The following D2HGDH variants were observed in gnomAD, a reference collection of about 807,000 sequenced individuals.
D2HGDH encodes the protein D-2-hydroxyglutarate dehydrogenase.
In D2HGDH, 31 loss-of-function variants were observed where a neutral mutation model predicts 46.9. The ratio of observed to expected loss-of-function variants is 0.66; its 90% CI spans 0.50 to 0.89. The LOEUF (loss-of-function observed/expected upper bound fraction) is 0.89. Among genes scored for constraint, D2HGDH ranks in the 40% least tolerant of loss-of-function variants. The probability of loss-of-function intolerance (pLI) is 0.00; values close to 1 mark genes in which losing one functional copy is unlikely to be tolerated. For synonymous variants in D2HGDH, 364 were observed against 332.6 expected, an observed-to-expected ratio of 1.09 and a Z score of -1.03; for missense variants, 698 against 720.8, an observed-to-expected ratio of 0.97 and a Z score of 0.36.
intron 9 of D2HGDH, among the ~76,000 whole-genome samples, chr2:241,756,711 A>G (rs1698224339): frequency 6.6e-6 from 1 of 152,124 alleles, no homozygotes. Context: ...TAGTAGAGAC[A>G]GGGTTTTGCC....
chr2:241,763,749 C>T (rs1443174704), intron 9 of D2HGDH, among the ~76,000 whole-genome samples: 3 of 152,164 alleles, frequency 2.0e-5, no homozygotes, highest in South Asian at 2.1e-4. Flanking sequence ...ACTTTGTGGA[C>T]GCCAGGCACG....
chr2:241,759,843 C>T (rs1412559227), intron 9 of D2HGDH, among the ~76,000 whole-genome samples: 5 of 152,270 alleles, frequency 3.3e-5, no homozygotes, highest in African/African-American at 4.8e-5. Flanking sequence ...CACTATCTTC[C>T]TCCCAAATAA....
chr2:241,761,646 T>C (rs1483839572), intron 9 of D2HGDH, among the ~76,000 whole-genome samples: 2 of 152,198 alleles, frequency 1.3e-5, no homozygotes, highest in Admixed American at 1.3e-4. Context: ...AGGGGTCCTG[T>C]ATCCAGTCCC....
chr2:241,768,274 G>C lies in D2HGDH; in HGVS notation c.*305G>C. On this transcript the variant is annotated 3_prime_UTR_variant, in exon 10 of 10. Transcript: ENST00000321264. ...GAAGCGGGGTGGGTCTCACTTGCGT[G>C]GTGGCCCCTGGCCCCATCTTGCCTG... 1 of 426,288 alleles carries C rather than the reference G, an allele frequency of 2.3e-6. No individual in the cohort carries two copies. The highest frequency in any genetic ancestry group is 4.3e-6 in the Non-Finnish European group (1 of 234,332). 26.4% of individuals were successfully genotyped at this position (426,288 alleles called of 1,614,324 possible). A position where few individuals can be genotyped will look rare whatever the true frequency, so the allele number is the denominator to read the frequency against.
chr2:241,744,396 A>T (rs1397929596), intron 5 of D2HGDH, among the ~76,000 whole-genome samples: 2 of 152,162 alleles, frequency 1.3e-5, no homozygotes, highest in Admixed American at 6.5e-5. Flanking sequence ...CAGTACCAGC[A>T]CACAGGACTC....
chr2:241,767,616 C>T (rs1040271896), intron 9 of D2HGDH, 94 bp from the exon 10 acceptor site: 48 of 1,436,736 alleles, frequency 3.3e-5, no homozygotes, highest in Middle Eastern at 2.2e-4. Context: ...CTCGGGGTTG[C>T]TGGGGAGGGG....
Position 241,743,094 on chromosome 2 carries a change from C to T in D2HGDH, c.490+520C>T, listed in dbSNP as rs1326401693. Among the ~76,000 whole-genome samples, 1 of 146,450 alleles carries T rather than the reference C, an allele frequency of 6.8e-6. No homozygotes were observed. Among genetic ancestry groups the T allele is most frequent in the Admixed American group, 6.7e-5 (1 of 14,866 alleles). ...GTGGCAGGCGTGAGGGGATCCTGAC[C>T]CAGGGTGCCAGGGCGTGGCAGGCAT... On this transcript the variant is annotated intron_variant, in intron 4 of 9. Coordinates refer to ENST00000321264, the MANE Select transcript of D2HGDH (RefSeq NM_152783.5). This position sits in a 1 kb window ranked among gnomAD's most constrained non-coding sequence, Gnocchi z 4.8.
Position 241,743,541 on chromosome 2 carries a change from G to A in D2HGDH, c.491-81G>A. ...GATGTTCCTTCTGGGTGGCTTGCCT[G>A]TGCAAGATGGGGGTTGGGACTCACC... On this transcript the variant is annotated intron_variant, in intron 4 of 9. Transcript: ENST00000321264. The surrounding 1 kb of genome is among the most constrained non-coding windows in gnomAD (Gnocchi z 4.8). The A allele has an allele frequency of 6.6e-7, 1 of 1,515,342 alleles. No homozygotes were observed. The highest frequency in any genetic ancestry group is 1.2e-5 in the South Asian group (1 of 84,556). 93.9% of individuals were successfully genotyped at this position (1,515,342 alleles called of 1,614,324 possible). A position where few individuals can be genotyped will look rare whatever the true frequency, so the allele number is the denominator to read the frequency against.
rs139702718 is a variant in D2HGDH at position 241,758,195 on chromosome 2, G to A, written c.1306+2181G>A. Among the ~76,000 whole-genome samples, 1,303 of 152,250 alleles carry A rather than the reference G, an allele frequency of 8.6e-3. 25 individuals carry two copies. The highest frequency in any genetic ancestry group is 0.03 in the African/African-American group (1,263 of 41,546). ...GGTGTGGGATTTTGACAGGGGTCTTGGTGGATGATTCTGTTCCACGCTGTT... is the reference window on the plus strand; with the variant it reads ...GGTGTGGGATTTTGACAGGGGTCTTAGTGGATGATTCTGTTCCACGCTGTT... On this transcript the variant is annotated intron_variant, in intron 9 of 9. Coordinates refer to ENST00000321264, the MANE Select transcript of D2HGDH (RefSeq NM_152783.5).
intron 8 of D2HGDH, among the ~76,000 whole-genome samples, chr2:241,754,264 C>G (rs373633680): frequency 3.9e-5 from 6 of 152,150 alleles, no homozygotes; most frequent in Non-Finnish European, 5.9e-5. Flanking sequence ...CGTGCCCGTG[C>G]GGCTGTGACG....
At chr2:241,737,069 C>T (rs1260323611) in intron 2 of D2HGDH, among the ~76,000 whole-genome samples, 7 of 152,070 alleles carry the variant, frequency 4.6e-5, no homozygotes, top group African/African-American at 2.4e-5. Flanking sequence ...CCTGGCTTCA[C>T]GCCATTCTCC....
intron 6 of D2HGDH, chr2:241,748,871 G>T: frequency 7.7e-7 from 1 of 1,295,382 alleles, no homozygotes; most frequent in Non-Finnish European, 1.0e-6. Context: ...GCAGTCACCT[G>T]TGTGCCGCCC....
At chr2:241,767,565 G>T in intron 9 of D2HGDH, 145 bp from the exon 10 acceptor site, 1 of 1,190,280 alleles carries the variant, frequency 8.4e-7, no homozygotes. Context: ...GGGTCGGCAC[G>T]TCCAGGGCGA....
chr2:241,748,944 T>C (rs1575270118), intron 6 of D2HGDH: 2 of 1,291,446 alleles, frequency 1.5e-6, no homozygotes, highest in East Asian at 5.8e-5. Context: ...GCACTCCAGG[T>C]CTCAGACAGG....
At chr2:241,750,352 C>T in intron 7 of D2HGDH, 58 bp downstream of exon 7, 1 of 1,385,410 alleles carries the variant, frequency 7.2e-7, no homozygotes, top group Non-Finnish European at 9.6e-7. Context: ...CACGTCTGGA[C>T]ACATGGGACG....
intron 7 of D2HGDH, among the ~76,000 whole-genome samples, chr2:241,750,861 A>G (rs1325866340): frequency 1.3e-5 from 2 of 151,820 alleles, no homozygotes; most frequent in African/African-American, 4.8e-5. Context: ...GGGTTCAAAC[A>G]ATTCTCCTGC....
intron 8 of D2HGDH, among the ~76,000 whole-genome samples, chr2:241,751,909 T>G (rs1170861233): frequency 3.1e-5 from 4 of 130,550 alleles, no homozygotes; most frequent in African/African-American, 9.9e-5. Flanking sequence ...TCGGTCACCG[T>G]CACCGGGGCC....
chr2:241,768,043 C>T lies in D2HGDH; in HGVS notation c.*74C>T. Reference sequence around the variant, plus strand: ...CTCGGGCGGGGGTGTTGCGGTGGCTCTGAGGGATGAGCCGGCAGTGGGCAG... The same window carrying T: ...CTCGGGCGGGGGTGTTGCGGTGGCTTTGAGGGATGAGCCGGCAGTGGGCAG... On this transcript the variant is annotated 3_prime_UTR_variant, in exon 10 of 10. Transcript: ENST00000321264. 6.7e-6 allele frequency: 10 copies of T among 1,500,898 alleles called. No individual in the cohort carries two copies. Among genetic ancestry groups the T allele is most frequent in the Non-Finnish European group, 8.9e-6 (10 of 1,126,154 alleles). 93.0% of individuals were successfully genotyped at this position (1,500,898 alleles called of 1,614,324 possible). A position where few individuals can be genotyped will look rare whatever the true frequency, so the allele number is the denominator to read the frequency against.
intron 9 of D2HGDH, among the ~76,000 whole-genome samples, chr2:241,764,100 A>G (rs1012626402): frequency 3.3e-5 from 5 of 152,190 alleles, no homozygotes; most frequent in Admixed American, 3.3e-4. Context: ...CTTCTTTCAC[A>G]ACCAGTCCTT....
Sources: allele counts gnomAD v4.1 joint callset (sites outside exome capture counted in the v4.1 genomes callset), GRCh38; gene constraint gnomAD v4.1.1; non-coding constraint Gnocchi (gnomAD v3.1); transcripts MANE v1.5; gene names NCBI Gene and HGNC (gene_info 2026-07-23, HGNC 2026-07-21).